The following CSMD1 variants were observed in gnomAD, a reference collection of about 807,000 sequenced individuals.
CSMD1 encodes the protein CUB and sushi domain-containing protein 1.
A neutral mutation model predicts 417.5 loss-of-function variants in CSMD1; 213 were observed. The ratio of observed to expected loss-of-function variants is 0.51; its 90% CI spans 0.46 to 0.57. CSMD1 has a LOEUF of 0.57. Ranked by LOEUF, CSMD1 falls within the 20% of genes least tolerant of loss-of-function variation. The pLI is 0.00. For missense variants in CSMD1, 6,923 were observed against 4,529.7 expected (o/e 1.53, Z -15.17); for synonymous variants, 2,862 against 1,736.8 (o/e 1.65, Z -16.11).
chr8:4,248,823 G>T (rs574215940), intron 3 of CSMD1, among the ~76,000 whole-genome samples: 37 of 152,160 alleles, frequency 2.4e-4, no homozygotes, highest in African/African-American at 8.4e-4. Flanking sequence ...TTTGGTGACT[G>T]ATGTATCCCA....
At chr8:4,462,188 G>C (rs1051084489) in intron 2 of CSMD1, among the ~76,000 whole-genome samples, 10 of 152,170 alleles carry the variant, frequency 6.6e-5, no homozygotes, top group African/African-American at 2.4e-4. Context: ...AAAAGCAATT[G>C]TATTTATCCA....
At chr8:4,764,885 A>ACAAAAAAAAAAAACAAAAAAAAAC (rs1263324929) in intron 1 of CSMD1, among the ~76,000 whole-genome samples, 1 of 74,808 alleles carries the variant, frequency 1.3e-5, no homozygotes, top group Non-Finnish European at 2.2e-5. Flanking sequence ...AAAAAAAAAA[A>ACAAAAAAAAAAAACAAAAAAAAAC]AAAAAAAAAC....
intron 4 of CSMD1, among the ~76,000 whole-genome samples, chr8:4,016,092 C>T (rs936482480): frequency 1.8e-4 from 28 of 152,022 alleles, no homozygotes; most frequent in Non-Finnish European, 3.8e-4. Context: ...TTAATATTTA[C>T]CAGGAAATTT....
chr8:4,083,373 G>C (rs927281277), intron 3 of CSMD1, among the ~76,000 whole-genome samples: 1 of 152,150 alleles, frequency 6.6e-6, no homozygotes, highest in African/African-American at 2.4e-5. Context: ...CAGTGATGGT[G>C]AGCATTTTTT....
In CSMD1 at chr8:3,575,029, G is replaced by A. The variant is rs764984752; in HGVS notation, c.1260C>T (p.Gly420=). The A allele has an allele frequency of 3.1e-6, 5 of 1,613,392 alleles. No homozygotes were observed. In the African/African-American group the frequency reaches 5.3e-5, roughly 17 times the overall value. The change falls in exon 10 of 70, where the codon GGC becomes GGT. Residue 420 remains glycine, a synonymous_variant. Coordinates refer to ENST00000635120, the MANE Select transcript of CSMD1 (RefSeq NM_033225.6). ...TCGSNLRGPS[G]VITSPNYPVQ... Reference sequence around the variant, plus strand: ...CCGGATAATTAGGGGAGGTAATGACGCCGCTGGGCCCACGCAGATTGGATC... The same window carrying A: ...CCGGATAATTAGGGGAGGTAATGACACCGCTGGGCCCACGCAGATTGGATC...
chr8:3,637,490 CTTT>C (rs1698753067), intron 7 of CSMD1, among the ~76,000 whole-genome samples: 1 of 152,124 alleles, frequency 6.6e-6, no homozygotes, highest in Non-Finnish European at 1.5e-5. Context: ...AATTGTTCTT[CTTT>C]GACTATAATA....
chr8:4,168,052 C>A (rs1440873093), intron 3 of CSMD1, among the ~76,000 whole-genome samples: 2 of 151,832 alleles, frequency 1.3e-5, no homozygotes, highest in Non-Finnish European at 2.9e-5. Context: ...TTGCTTGAAA[C>A]CAGGAGGCAG....
intron 1 of CSMD1, among the ~76,000 whole-genome samples, chr8:4,843,725 A>G (rs1237683298): frequency 6.6e-6 from 1 of 152,212 alleles, no homozygotes; most frequent in Non-Finnish European, 1.5e-5. Flanking sequence ...TCTGTTTTAC[A>G]CAATGCCTAT....
intron 1 of CSMD1, among the ~76,000 whole-genome samples, chr8:4,657,734 A>T (rs971895815): frequency 6.6e-6 from 1 of 151,266 alleles, no homozygotes; most frequent in Admixed American, 6.6e-5. Flanking sequence ...AAAAAAAAAA[A>T]CTCTCCCTGA....
chr8:3,444,424 C>G (rs547592308), intron 12 of CSMD1, among the ~76,000 whole-genome samples: 1 of 152,124 alleles, frequency 6.6e-6, no homozygotes, highest in Non-Finnish European at 1.5e-5. Context: ...TGAGTTCTTT[C>G]CTAACAATAC....
At position 3,478,401 on chromosome 8, in the gene CSMD1, G is replaced by C. The variant is rs116072497; in HGVS notation, c.1449-9577C>G. On this transcript the variant is annotated intron_variant, in intron 11 of 69. Coordinates refer to ENST00000635120, the MANE Select transcript of CSMD1 (RefSeq NM_033225.6). ...AGCCCACACTACTTAAAAGTATATG[G>C]ACTGCCAGTCCTCATGACATGCAGA... Among the ~76,000 whole-genome samples, 14 of 152,162 alleles carry C rather than the reference G, an allele frequency of 9.2e-5. 1 individual carries two copies. Among genetic ancestry groups the C allele is most frequent in the Non-Finnish European group, 1.6e-4 (11 of 68,030 alleles).
intron 1 of CSMD1, among the ~76,000 whole-genome samples, chr8:4,929,535 G>C (rs905717898): frequency 2.7e-4 from 41 of 152,134 alleles, no homozygotes; most frequent in Admixed American, 6.5e-5. Context: ...AGAAGCACTA[G>C]GTAACACTCA....
intron 5 of CSMD1, among the ~76,000 whole-genome samples, chr8:3,946,748 T>C (rs1811256534): frequency 6.6e-6 from 1 of 152,174 alleles, no homozygotes; most frequent in South Asian, 2.1e-4. Flanking sequence ...TTCTCTCAGC[T>C]ATGTTTTACA....
At chr8:4,382,350 C>G (rs1470751065) in intron 3 of CSMD1, among the ~76,000 whole-genome samples, 1 of 152,240 alleles carries the variant, frequency 6.6e-6, no homozygotes, top group Non-Finnish European at 1.5e-5. Flanking sequence ...CATGACTGGT[C>G]GACCAATGAC....
chr8:4,297,679 G>T (rs1366555706), intron 3 of CSMD1, among the ~76,000 whole-genome samples: 1 of 152,136 alleles, frequency 6.6e-6, no homozygotes, highest in Non-Finnish European at 1.5e-5. Context: ...TTCTGCTACT[G>T]TTTTAGCATT....
At chr8:3,227,197 G>A (rs1798559142) in intron 27 of CSMD1, among the ~76,000 whole-genome samples, 1 of 151,994 alleles carries the variant, frequency 6.6e-6, no homozygotes, top group Non-Finnish European at 1.5e-5. Context: ...TCAGGAATTC[G>A]AGACCAGCCT....
At chr8:3,920,205 T>G (rs1369806649) in intron 5 of CSMD1, among the ~76,000 whole-genome samples, 1 of 151,976 alleles carries the variant, frequency 6.6e-6, no homozygotes, top group African/African-American at 2.4e-5. Context: ...GGCTAACTTT[T>G]CATATTTTTA....
chr8:4,348,166 A>T (rs1214053817), intron 3 of CSMD1, among the ~76,000 whole-genome samples: 1 of 152,186 alleles, frequency 6.6e-6, no homozygotes, highest in East Asian at 1.9e-4. Context: ...AAACATATTT[A>T]CTGCATATGA....
At chr8:4,060,818 C>G (rs1431126024) in intron 3 of CSMD1, among the ~76,000 whole-genome samples, 2 of 152,028 alleles carry the variant, frequency 1.3e-5, no homozygotes, top group African/African-American at 2.4e-5. Context: ...GGGGCAAGGA[C>G]TAAAATCAGA....
Sources: gnomAD v4.1 joint callset for allele counts (sites outside exome capture counted in the v4.1 genomes callset) on GRCh38, gnomAD v4.1.1 for gene constraint, MANE v1.5 for transcripts, NCBI Gene and HGNC (gene_info 2026-07-23, HGNC 2026-07-21) for gene names.